ZBBX: variants seen among roughly 807,000 people sequenced by gnomAD.
ZBBX encodes zinc finger B-box domain-containing protein 1.
In ZBBX, 101 loss-of-function variants were observed where a neutral mutation model predicts 108.5. The ratio of observed to expected loss-of-function variants is 0.93; its 90% CI spans 0.79 to 1.10. The LOEUF (loss-of-function observed/expected upper bound fraction) is 1.10. Among genes scored for constraint, ZBBX ranks in the 50% least tolerant of loss-of-function variants. The pLI, the probability that ZBBX is intolerant of heterozygous loss-of-function variation, is 0.00. For synonymous variants in ZBBX, 356 were observed against 323.4 expected (o/e 1.10, Z -1.08); for missense variants, 1,009 against 941.4 (o/e 1.07, Z -0.94).
chr3:167,337,152 T>C (rs1193012559), intron 9 of ZBBX, among the ~76,000 whole-genome samples: 1 of 152,148 alleles, frequency 6.6e-6, no homozygotes, highest in East Asian at 1.9e-4. Flanking sequence ...TAACATAGAT[T>C]AAAATTCGAA....
intron 9 of ZBBX, among the ~76,000 whole-genome samples, chr3:167,342,043 C>T (rs547230840): frequency 7.9e-5 from 12 of 151,664 alleles, no homozygotes; most frequent in African/African-American, 2.2e-4. Context: ...GAAGAAATTT[C>T]ATATGAAATG....
intron 12 of ZBBX, among the ~76,000 whole-genome samples, chr3:167,320,674 C>G (rs1322184967): frequency 6.6e-6 from 1 of 151,934 alleles, no homozygotes; most frequent in Non-Finnish European, 1.5e-5. Context: ...AAACTTAGCA[C>G]CACCTTAACT....
At chr3:167,320,607 T>G (rs2108315124) in intron 12 of ZBBX, among the ~76,000 whole-genome samples, 1 of 152,056 alleles carries the variant, frequency 6.6e-6, no homozygotes, top group East Asian at 1.9e-4. Context: ...CATCTCAATG[T>G]GTCTCCTCTA....
In ZBBX at chr3:167,240,880, T is replaced by C. The variant is rs1413913329; in HGVS notation, c.2433A>G (p.Ser811=). 5.6e-6 allele frequency: 9 copies of C among 1,613,494 alleles called. No individual in the cohort carries two copies. The highest frequency in any genetic ancestry group is 6.8e-6 in the Non-Finnish European group (8 of 1,179,550). Residue 811 remains serine, a synonymous_variant, in exon 22 of 22, where the codon TCA becomes TCG. Coordinates refer to ENST00000675490, the MANE Select transcript of ZBBX (RefSeq NM_001199201.2). ...GRDTKIQSLL[S]LSESSTDEEE... ...CCTCATCTGTACTGCTCTCAGAAAG[T>C]GACAGCAAAGACTGAATTTTGGTAT...
intron 9 of ZBBX, among the ~76,000 whole-genome samples, chr3:167,341,785 A>G (rs1740575132): frequency 6.6e-6 from 1 of 151,972 alleles, no homozygotes; most frequent in African/African-American, 2.4e-5. Flanking sequence ...TTTGAGCTAC[A>G]CAAGGAAGAA....
chr3:167,356,606 G>A (rs556083921), intron 8 of ZBBX, among the ~76,000 whole-genome samples: 7 of 152,148 alleles, frequency 4.6e-5, no homozygotes, highest in Admixed American at 1.3e-4. Flanking sequence ...AATGATAACT[G>A]AAAGGAAAAT....
upstream of ZBBX, among the ~76,000 whole-genome samples, chr3:167,384,677 G>A (rs910597931): frequency 1.1e-4 from 17 of 152,138 alleles, no homozygotes; most frequent in African/African-American, 3.9e-4. Context: ...AGTATTGAGA[G>A]AGGCATTCAT....
At chr3:167,404,782 G>T (rs1309098873) in intron 1 of ZBBX, among the ~76,000 whole-genome samples, 4 of 152,130 alleles carry the variant, frequency 2.6e-5, no homozygotes, top group Admixed American at 2.6e-4. Context: ...GACCAGATTT[G>T]CTTTTTTTCC....
At chr3:167,332,696 TA>T (rs2108396095) in intron 10 of ZBBX, among the ~76,000 whole-genome samples, 1 of 152,268 alleles carries the variant, frequency 6.6e-6, no homozygotes, top group East Asian at 1.9e-4. Flanking sequence ...GTTGCTGATT[TA>T]TTTTTGATAG....
At chr3:167,206,185 C>T in the ZBBX span, among the ~76,000 whole-genome samples, 17 of 151,978 alleles carry the variant, frequency 1.1e-4, no homozygotes, top group Admixed American at 5.2e-4. Context: ...TTATCCATTT[C>T]TATGTATTTG....
the ZBBX span, among the ~76,000 whole-genome samples, chr3:167,205,375 T>C: frequency 1.3e-5 from 2 of 151,916 alleles, no homozygotes; most frequent in Non-Finnish European, 2.9e-5. Flanking sequence ...CATGAAGAAT[T>C]TGAAAAGAAA....
chr3:167,400,349 G>A (rs753968980), intron 1 of ZBBX, among the ~76,000 whole-genome samples: 5 of 151,876 alleles, frequency 3.3e-5, no homozygotes, highest in East Asian at 1.9e-4. Flanking sequence ...CCTTTTCTCC[G>A]CAGCCTCACC....
chr3:167,256,463 A>T (rs1723531763), intron 20 of ZBBX, among the ~76,000 whole-genome samples: 1 of 152,152 alleles, frequency 6.6e-6, no homozygotes, highest in Non-Finnish European at 1.5e-5. Context: ...AAATAATCCA[A>T]TAACATTCTT....
At chr3:167,178,429 A>G in the ZBBX span, among the ~76,000 whole-genome samples, 119 of 152,256 alleles carry the variant, frequency 7.8e-4, 1 homozygote, top group African/African-American at 2.8e-3. Flanking sequence ...TGCTTTCCTC[A>G]GGTTTTCTTC....
the ZBBX span, among the ~76,000 whole-genome samples, chr3:167,189,722 C>A: frequency 6.6e-6 from 1 of 152,168 alleles, no homozygotes; most frequent in East Asian, 1.9e-4. Context: ...AGGGAATAGC[C>A]TATGCCACAA....
downstream of ZBBX, among the ~76,000 whole-genome samples, chr3:167,239,443 T>G (rs147850515): frequency 1.4e-4 from 21 of 152,174 alleles, no homozygotes; most frequent in African/African-American, 4.8e-4. Flanking sequence ...TATCCTTTTT[T>G]TTCTCGCCCT....
rs547537790 is a variant in ZBBX at position 167,407,829 on chromosome 3, G to C, written c.-549C>G. On this transcript the variant is annotated 5_prime_UTR_variant, in exon 1 of 22. Coordinates refer to the ZBBX transcript ENST00000455345. ...TCACGCAGTCGACTCTGTGTTGCTC[G>C]AGGGTCAATTGTATTCTAATTACTG... Among the ~76,000 whole-genome samples the C allele has an allele frequency of 1.6e-3, 238 of 152,032 alleles. 2 individuals are homozygous for C. Among genetic ancestry groups the C allele is most frequent in the African/African-American group, 5.6e-3 (231 of 41,472 alleles).
At chr3:167,268,534 C>CA (rs1438626871) in intron 20 of ZBBX, among the ~76,000 whole-genome samples, 1 of 151,986 alleles carries the variant, frequency 6.6e-6, no homozygotes, top group East Asian at 1.9e-4. Flanking sequence ...CCTGAACCCA[C>CA]AACCTCTCTA....
At chr3:167,223,301 T>A in the ZBBX span, among the ~76,000 whole-genome samples, 1 of 151,974 alleles carries the variant, frequency 6.6e-6, no homozygotes, top group African/African-American at 2.4e-5. Flanking sequence ...AAGGTCTTAT[T>A]TCTTCTTAAA....
Sources: allele counts gnomAD v4.1 joint callset (sites outside exome capture counted in the v4.1 genomes callset), GRCh38; gene constraint gnomAD v4.1.1; transcripts MANE v1.5; gene names NCBI Gene and HGNC (gene_info 2026-07-23, HGNC 2026-07-21).